ELK4: variants seen among roughly 807,000 people sequenced by gnomAD.
ELK4 encodes the protein ETS domain-containing protein Elk-4.
Under a neutral mutation model 29.6 loss-of-function variants are expected in ELK4, and 16 were observed. The observed-to-expected ratio is 0.54, with a 90% confidence interval of 0.37 to 0.82. The LOEUF is 0.82. Ranked by LOEUF, ELK4 falls within the 40% of genes least tolerant of loss-of-function variation. The pLI is 0.00. For synonymous variants in ELK4, 213 were observed against 191.1 expected (o/e 1.11, Z -0.95); for missense variants, 465 against 507.1 (o/e 0.92, Z 0.80).
chr1:205,625,398 AC>A, intron 1 of ELK4: 1 of 505,564 alleles, frequency 2.0e-6, no homozygotes, highest in Non-Finnish European at 3.6e-6. Flanking sequence ...GAATCTGCCT[AC>A]TTGTCGCCAC....
intron 2 of ELK4, among the ~76,000 whole-genome samples, chr1:205,621,771 G>T (rs933594132): frequency 1.3e-5 from 2 of 151,156 alleles, no homozygotes; most frequent in Admixed American, 1.3e-4. Flanking sequence ...CACCCACCCC[G>T]GCCTCCCAAA....
At chr1:205,631,018 T>C (rs909696107) in intron 1 of ELK4, among the ~76,000 whole-genome samples, 9 of 152,254 alleles carry the variant, frequency 5.9e-5, no homozygotes, top group African/African-American at 1.4e-4. Context: ...ACAACATCCC[T>C]ATTTCCTTCC....
intron 1 of ELK4, chr1:205,625,732 G>C (rs1670441835): frequency 2.9e-6 from 2 of 699,822 alleles, no homozygotes; most frequent in Admixed American, 4.0e-5. Flanking sequence ...AGGCTGGAGT[G>C]CAGTGGCGCA....
In ELK4 at chr1:205,616,180, A is replaced by G. The variant is rs988506138; in HGVS notation, c.*366T>C. 3.9e-5 allele frequency: 10 copies of G among 257,562 alleles called. No homozygotes were observed. The highest frequency in any genetic ancestry group is 1.2e-3 in the Middle Eastern group (1 of 864). The allele number at this position is 257,562 out of a possible 1,614,324, so 16.0% of individuals were successfully genotyped here. A position where few individuals can be genotyped will look rare whatever the true frequency, so the allele number is the denominator to read the frequency against. On this transcript the variant is annotated 3_prime_UTR_variant, in exon 5 of 5. Transcript: ENST00000357992. ...TCCTGGCCAAAGGGTCCCAATAGCC[A>G]GAAGGAGTAACTTTGTTCTTAATTG...
intron 4 of ELK4, 105 bp from the exon 5 acceptor site, chr1:205,616,749 G>C: frequency 1.1e-6 from 1 of 887,138 alleles, no homozygotes; most frequent in Non-Finnish European, 1.7e-6. Context: ...CTTCTGTAAT[G>C]GCTCACAGGA....
intron 2 of ELK4, among the ~76,000 whole-genome samples, chr1:205,622,927 C>A (rs1670377284): frequency 6.6e-6 from 1 of 152,116 alleles, no homozygotes. Flanking sequence ...CACCTCAAGT[C>A]AGGAGTTCAA....
In ELK4 at chr1:205,631,633, G is replaced by A; in HGVS notation, c.-11C>T. ...GGGCGCGCGGGGCTGACCGCTCACC[G>A]ACGCCGCGCGCGGGGCTCCCCCTCG... On this transcript the variant is annotated splice_region_variant and 5_prime_UTR_variant, in exon 1 of 5. Coordinates refer to ENST00000357992, the MANE Select transcript of ELK4 (RefSeq NM_001973.4). 9.3e-6 allele frequency: 3 copies of A among 321,516 alleles called. No homozygotes were observed. Among genetic ancestry groups the A allele is most frequent in the South Asian group, 4.3e-5 (2 of 46,334 alleles). 19.9% of individuals were successfully genotyped at this position (321,516 alleles called of 1,614,324 possible). A position where few individuals can be genotyped will look rare whatever the true frequency, so the allele number is the denominator to read the frequency against.
At chr1:205,617,962 T>C (rs1048183234) in intron 4 of ELK4, among the ~76,000 whole-genome samples, 21 of 144,844 alleles carry the variant, frequency 1.4e-4, no homozygotes, top group African/African-American at 5.0e-4. Context: ...AGATCCCCCA[T>C]ATATGTGTGT....
intron 1 of ELK4, chr1:205,626,117 C>T: frequency 1.1e-5 from 9 of 810,988 alleles, no homozygotes; most frequent in Middle Eastern, 2.4e-4. Context: ...TCTTTCTCTA[C>T]GTTGCCTACA....
Position 205,620,444 on chromosome 1 carries a change from A to G in ELK4, c.602T>C (p.Val201Ala), listed in dbSNP as rs1275091125. 2 of 1,614,014 alleles carry G rather than the reference A, an allele frequency of 1.2e-6. No individual in the cohort carries two copies. Among genetic ancestry groups the G allele is most frequent in the Non-Finnish European group, 1.7e-6 (2 of 1,180,042 alleles). The part of the protein sequence containing the change: ...FVTTPSKKPP[V>A]EPVAATISIG... ...TGAAATGGTGGCAGCAACAGGTTCA[A>G]CCGGTGGCTTTTTGGAAGGTGTCGT... is the stretch of plus-strand genomic sequence containing the variant. The change falls in exon 3 of 5, where the codon GTT becomes GCT. Residue 201 changes from valine (V) to alanine (A), a missense_variant. Transcript: ENST00000357992.
In ELK4 at chr1:205,608,341, C is replaced by T. The variant is rs1183945954; in HGVS notation, c.*8205G>A. ...CTCAAAGTGCTTTTGCATCCTTTCGCTCACCTCTCTACACTCTATAAAGTT... is the reference window on the plus strand; with the variant it reads ...CTCAAAGTGCTTTTGCATCCTTTCGTTCACCTCTCTACACTCTATAAAGTT... On this transcript the variant is annotated 3_prime_UTR_variant, in exon 5 of 5. Transcript: ENST00000357992. 1 of 192,292 alleles carries T rather than the reference C, an allele frequency of 5.2e-6. No homozygotes were observed. The highest frequency in any genetic ancestry group is 2.3e-5 in the African/African-American group (1 of 42,858). The allele number at this position is 192,292 out of a possible 1,614,324, so 11.9% of individuals were successfully genotyped here.
chr1:205,627,199 T>C (rs34193126), intron 1 of ELK4, among the ~76,000 whole-genome samples: 18,276 of 152,002 alleles, frequency 0.12, 1,327 homozygotes, highest in East Asian at 0.33. Context: ...AGGGTTTCTT[T>C]TGGGGGTGAT....
At position 205,627,398 on chromosome 1, in the gene ELK4, A is replaced by G. The variant is rs570662923; in HGVS notation, c.-9-3507T>C. Among the ~76,000 whole-genome samples the G allele has an allele frequency of 3.9e-5, 6 of 152,050 alleles. No homozygotes were observed. In the East Asian group the frequency reaches 1.2e-3, roughly 29 times the overall value. On this transcript the variant is annotated intron_variant, in intron 1 of 4. Transcript: ENST00000357992. ...GTGGTGGGCGCCTGTAGTCCCAGCT[A>G]CTCAGGAGGCTGAGGGAGGAGAATG...
Position 205,631,862 on chromosome 1 carries a change from C to G in ELK4, c.-240G>C, listed in dbSNP as rs983649550. 2 of 148,290 alleles carry G rather than the reference C, an allele frequency of 1.3e-5. No homozygotes were observed. Among genetic ancestry groups the G allele is most frequent in the African/African-American group, 4.9e-5 (2 of 40,976 alleles). 9.2% of individuals were successfully genotyped at this position (148,290 alleles called of 1,614,324 possible). A position where few individuals can be genotyped will look rare whatever the true frequency, so the allele number is the denominator to read the frequency against. On this transcript the variant is annotated 5_prime_UTR_variant, in exon 1 of 5. Coordinates refer to ENST00000357992, the MANE Select transcript of ELK4 (RefSeq NM_001973.4). ...GCGCCCCGCCCTCCCCGCCCCCGCA[C>G]GCGGCAGCGGCGGCGCGGGTCTTGG...
Position 205,614,952 on chromosome 1 carries a change from C to A in ELK4, c.*1594G>T, listed in dbSNP as rs981026680. Reference sequence around the variant, plus strand: ...ACTGATATCAATTCAGTTTGGGGAACCAACAAATCTGTACCTGGCATTGAT... The same window carrying A: ...ACTGATATCAATTCAGTTTGGGGAAACAACAAATCTGTACCTGGCATTGAT... On this transcript the variant is annotated 3_prime_UTR_variant, in exon 5 of 5. Transcript: ENST00000357992. 3 of 214,998 alleles carry A rather than the reference C, an allele frequency of 1.4e-5. No individual in the cohort carries two copies. Among genetic ancestry groups the A allele is most frequent in the African/African-American group, 2.3e-5 (1 of 44,222 alleles). 13.3% of individuals were successfully genotyped at this position (214,998 alleles called of 1,614,324 possible).
rs1670125614 is a variant in ELK4 at position 205,609,672 on chromosome 1, TC to T, written c.*6873del. ...AAAACAATGAAATGTCAGGATTGTG[TC>T]CCCTACACAATAGACAATAAGCAAC... On this transcript the variant is annotated 3_prime_UTR_variant, in exon 5 of 5. Coordinates refer to ENST00000357992, the MANE Select transcript of ELK4 (RefSeq NM_001973.4). The T allele has an allele frequency of 4.8e-6, 1 of 206,386 alleles. No individual in the cohort carries two copies. Among genetic ancestry groups the T allele is most frequent in the African/African-American group, 2.3e-5 (1 of 43,822 alleles). 12.8% of individuals were successfully genotyped at this position (206,386 alleles called of 1,614,324 possible). A position where few individuals can be genotyped will look rare whatever the true frequency, so the allele number is the denominator to read the frequency against.
At chr1:205,625,919 CGCCT>C in intron 1 of ELK4, 1 of 751,106 alleles carries the variant, frequency 1.3e-6, no homozygotes, top group Non-Finnish European at 2.4e-6. Flanking sequence ...CCTCATGATC[CGCCT>C]GCCTTGGCCT....
chr1:205,629,343 A>T (rs1258692823), intron 1 of ELK4, among the ~76,000 whole-genome samples: 1 of 152,156 alleles, frequency 6.6e-6, no homozygotes, highest in Non-Finnish European at 1.5e-5. Context: ...AAAGCAGCCA[A>T]CGTCTTCTTA....
rs1670139687 is a variant in ELK4 at position 205,610,792 on chromosome 1, C to CAT, written c.*5753_*5754insAT. The CAT allele has an allele frequency of 4.3e-6, 1 of 232,196 alleles. No homozygotes were observed. Among genetic ancestry groups the CAT allele is most frequent in the South Asian group, 1.8e-4 (1 of 5,524 alleles). 14.4% of individuals were successfully genotyped at this position (232,196 alleles called of 1,614,324 possible). ...TTACACGCGCACACACACACACACA[C>CAT]ACATTCAGTCAATACATCAGTATAT... On this transcript the variant is annotated 3_prime_UTR_variant, in exon 5 of 5. Coordinates refer to ENST00000357992, the MANE Select transcript of ELK4 (RefSeq NM_001973.4).
Sources: gnomAD v4.1 joint callset for allele counts (sites outside exome capture counted in the v4.1 genomes callset) on GRCh38, gnomAD v4.1.1 for gene constraint, MANE v1.5 for transcripts, NCBI Gene and HGNC (gene_info 2026-07-23, HGNC 2026-07-21) for gene names.